Variants in NXPE1 observed in about 807,000 individuals in gnomAD.
NXPE1 encodes the protein neurexophilin and PC-esterase domain family member 1.
Under a neutral mutation model 33.3 loss-of-function variants are expected in NXPE1, and 31 were observed. The observed-to-expected ratio is 0.93, with a 90% CI of 0.70 to 1.26. NXPE1 has a LOEUF of 1.26. Ranked by LOEUF, NXPE1 falls within the 50% of genes most tolerant of loss-of-function variation. NXPE1 has a pLI of 0.00. For synonymous variants in NXPE1, 229 were observed against 231.4 expected (o/e 0.99, Z 0.09); for missense variants, 661 against 655.6 (o/e 1.01, Z -0.09).
chr11:114,558,204 ATG>A (rs1204174485), intron 1 of NXPE1, among the ~76,000 whole-genome samples: 27 of 152,118 alleles, frequency 1.8e-4, no homozygotes, highest in African/African-American at 6.0e-4. Flanking sequence ...ATATGTGTTT[ATG>A]TGTGTGTGTA....
At chr11:114,546,602 A>C (rs1048379522) in intron 5 of NXPE1, among the ~76,000 whole-genome samples, 1 of 151,828 alleles carries the variant, frequency 6.6e-6, no homozygotes, top group Non-Finnish European at 1.5e-5. Context: ...ATGCCTGGCC[A>C]ATATTTCTGA....
chr11:114,555,886 C>T (rs1443157635), intron 1 of NXPE1, among the ~76,000 whole-genome samples: 1 of 152,152 alleles, frequency 6.6e-6, no homozygotes, highest in African/African-American at 2.4e-5. Flanking sequence ...TGAGCAATAT[C>T]TCATAATATC....
intron 5 of NXPE1, among the ~76,000 whole-genome samples, chr11:114,538,038 G>T (rs1035243988): frequency 6.6e-6 from 1 of 151,846 alleles, no homozygotes; most frequent in East Asian, 1.9e-4. Flanking sequence ...ATACTACAAG[G>T]CTACAGTAAC....
chr11:114,554,790 A>C (rs1025947600), intron 1 of NXPE1, among the ~76,000 whole-genome samples: 4 of 152,208 alleles, frequency 2.6e-5, no homozygotes, highest in Admixed American at 2.6e-4. Context: ...GAGATTACTA[A>C]ACTTTATTTA....
At chr11:114,552,906 T>G (rs77090558) in intron 1 of NXPE1, 26 bp from the exon 2 acceptor site, 1 of 954,912 alleles carries the variant, frequency 1.0e-6, no homozygotes, top group African/African-American at 1.8e-5. Flanking sequence ...AGCAGCAAAA[T>G]TAATGAAATA....
intron 1 of NXPE1, among the ~76,000 whole-genome samples, chr11:114,555,036 A>G (rs563473568): frequency 6.7e-6 from 1 of 149,424 alleles, no homozygotes. Context: ...GCATCTTGGG[A>G]GTCCTTTTTT....
chr11:114,530,581 T>C, exon 6 of NXPE1: 1 of 1,613,992 alleles, frequency 6.2e-7, no homozygotes, highest in Non-Finnish European at 8.5e-7. Flanking sequence ...GGGGAGGACA[T>C]CCTGGCCCTC....
At position 114,528,663 on chromosome 11, in the gene NXPE1, C is replaced by T. The variant is rs79727632; in HGVS notation, c.834-762G>A. 4.1e-3 allele frequency: 1,831 copies of T among 451,750 alleles called. 32 individuals are homozygous for T. Among genetic ancestry groups the T allele is most frequent in the African/African-American group, 0.031 (1,583 of 51,640 alleles). The allele number at this position is 451,750 out of a possible 1,614,324, so 28.0% of individuals were successfully genotyped here. On this transcript the variant is annotated intron_variant, in intron 6 of 8. Coordinates refer to ENST00000534921, the Ensembl canonical transcript of NXPE1. ...TTCCTCCAATTGATGAAAGATCACT[C>T]TTCCTGCTTGAAAGCTCTTACTCAC...
intron 5 of NXPE1, among the ~76,000 whole-genome samples, chr11:114,539,008 A>G (rs1947969343): frequency 9.3e-6 from 1 of 107,490 alleles, no homozygotes; most frequent in South Asian, 3.5e-4. Context: ...GGCACTATTC[A>G]CAATAGCAAA....
At chr11:114,559,646 T>G (rs1484506042) in intron 1 of NXPE1, among the ~76,000 whole-genome samples, 152 bp downstream of exon 1, 4 of 152,200 alleles carry the variant, frequency 2.6e-5, no homozygotes, top group Admixed American at 1.3e-4. Context: ...CTTCTGAGCT[T>G]TCTCCCTTTT....
chr11:114,522,309 C>T (rs367806483), exon 9 of NXPE1: 63 of 1,613,922 alleles, frequency 3.9e-5, no homozygotes, highest in African/African-American at 1.3e-4. Flanking sequence ...AAGGTGATGA[C>T]GATGGCTGTG....
At chr11:114,540,722 G>A (rs1388448436) in intron 5 of NXPE1, among the ~76,000 whole-genome samples, 3 of 152,064 alleles carry the variant, frequency 2.0e-5, no homozygotes, top group South Asian at 2.1e-4. Context: ...AAGTTTTGGT[G>A]GGAAGATGAA....
chr11:114,551,726 C>T (rs538344370), intron 3 of NXPE1, among the ~76,000 whole-genome samples: 17 of 152,150 alleles, frequency 1.1e-4, no homozygotes, highest in African/African-American at 4.1e-4. Context: ...GAAATGGAAA[C>T]TCCTTCAGGA....
exon 9 of NXPE1, chr11:114,522,107 A>G (rs751630077): frequency 1.2e-6 from 2 of 1,614,102 alleles, no homozygotes; most frequent in South Asian, 1.1e-5. Flanking sequence ...AATATCCTTC[A>G]TGATAAGATA....
At chr11:114,542,312 C>T (rs115737104) in intron 5 of NXPE1, among the ~76,000 whole-genome samples, 19 of 152,226 alleles carry the variant, frequency 1.2e-4, no homozygotes, top group African/African-American at 4.3e-4. Flanking sequence ...ATAAGAGTCA[C>T]AGGCAAGTTC....
chr11:114,541,522 AC>A (rs1274368318), intron 5 of NXPE1, among the ~76,000 whole-genome samples: 4 of 152,244 alleles, frequency 2.6e-5, no homozygotes, highest in Non-Finnish European at 4.4e-5. Flanking sequence ...GACACGTGAC[AC>A]AGCCGTCAGG....
intron 1 of NXPE1, chr11:114,554,520 C>T (rs1340918779): frequency 3.3e-6 from 1 of 301,040 alleles, no homozygotes; most frequent in Non-Finnish European, 4.9e-6. Flanking sequence ...GCCAATTATA[C>T]TGAGGTATAG....
At chr11:114,534,858 C>A (rs1224875916) in intron 5 of NXPE1, among the ~76,000 whole-genome samples, 2 of 152,206 alleles carry the variant, frequency 1.3e-5, no homozygotes, top group African/African-American at 2.4e-5. Flanking sequence ...AAACACTCTG[C>A]AGGATATTAT....
chr11:114,542,141 G>A (rs866474424), intron 5 of NXPE1, among the ~76,000 whole-genome samples: 1 of 151,964 alleles, frequency 6.6e-6, no homozygotes, highest in Non-Finnish European at 1.5e-5. Flanking sequence ...TCCTTATGTA[G>A]CATCTCACTT....
Sources: allele counts gnomAD v4.1 joint callset (sites outside exome capture counted in the v4.1 genomes callset), GRCh38; gene constraint gnomAD v4.1.1; transcripts MANE v1.5; gene names NCBI Gene and HGNC (gene_info 2026-07-23, HGNC 2026-07-21).